SP100: variants seen among roughly 807,000 people sequenced by gnomAD.
SP100 encodes nuclear autoantigen Sp-100.
Under a neutral mutation model 130.0 loss-of-function variants are expected in SP100, and 84 were observed. The observed-to-expected ratio is 0.65, with a 90% CI of 0.54 to 0.77. The LOEUF (loss-of-function observed/expected upper bound fraction) is 0.77, where lower values mean the gene tolerates loss of function less well. Ranked by LOEUF, SP100 falls within the 30% of genes least tolerant of loss-of-function variation. SP100 has a pLI of 0.00. For missense variants in SP100, 978 were observed against 1,052.2 expected (o/e 0.93, Z 0.97); for synonymous variants, 331 against 351.7 (o/e 0.94, Z 0.66).
At chr2:230,520,341 C>G (rs1187318727) in intron 24 of SP100, among the ~76,000 whole-genome samples, 1 of 152,208 alleles carries the variant, frequency 6.6e-6, no homozygotes, top group South Asian at 2.1e-4. Flanking sequence ...CTCATGCACT[C>G]AAAAATGAGA....
At position 230,436,964 on chromosome 2, in the gene SP100, A is replaced by ACACAAGTGTATACACACACG. The variant is rs1559486716; in HGVS notation, c.108-5973_108-5972insCACAAGTGTATACACACACG. On this transcript the variant is annotated intron_variant, in intron 2 of 28. Transcript: ENST00000340126. ...CACGCATATATGTGTATACACACAC[A>ACACAAGTGTATACACACACG]TATATATGTGTATACACACACATAT... Among the ~76,000 whole-genome samples the ACACAAGTGTATACACACACG allele has an allele frequency of 3.1e-5, 3 of 98,050 alleles. No individual in the cohort carries two copies. The South Asian group carries it at 8.4e-4, about 27-fold the overall frequency. 64.3% of individuals were successfully genotyped at this position (98,050 alleles called of 152,430 possible).
chr2:230,478,927 TCTC>T (rs1204799451), intron 17 of SP100, among the ~76,000 whole-genome samples: 1 of 152,128 alleles, frequency 6.6e-6, no homozygotes, highest in Non-Finnish European at 1.5e-5. Flanking sequence ...TTCAAGCAAT[TCTC>T]CTGTCTCAGC....
chr2:230,507,521 A>G (rs1690208086), intron 22 of SP100: 3 of 152,722 alleles, frequency 2.0e-5, no homozygotes, highest in African/African-American at 7.2e-5. Flanking sequence ...TTTCATAATT[A>G]CAGGCCTGGA....
In SP100 at chr2:230,449,573, C is replaced by T; in HGVS notation, c.599C>T (p.Pro200Leu). 1 of 1,614,032 alleles carries T rather than the reference C, an allele frequency of 6.2e-7. No individual in the cohort carries two copies. Among genetic ancestry groups the T allele is most frequent in the Non-Finnish European group, 8.5e-7 (1 of 1,179,992 alleles). ...AACCATGGTTTAGGTACAACCCCAC[C>T]TGAAAATGGACTCTCAGAGCACCCC... ...GSPSHAGTTP[P>L]ENGLSEHPCE... Residue 200 changes from proline (P) to leucine (L), a missense_variant, in exon 7 of 29, where the codon CCT becomes CTT. Pro to Leu is a moderately conservative substitution (Grantham distance 98, BLOSUM62 -3). Transcript: ENST00000340126.
intron 2 of SP100, among the ~76,000 whole-genome samples, chr2:230,436,984 A>ACG (rs1559486798): frequency 8.1e-5 from 12 of 148,964 alleles, no homozygotes; most frequent in African/African-American, 3.0e-4. Flanking sequence ...GTATACACAC[A>ACG]CATATATATG....
Position 230,472,427 on chromosome 2 carries a change from CAAAAAAAA to C in SP100, c.1430-879_1430-872del, listed in dbSNP as rs201703163. Among the ~76,000 whole-genome samples the C allele has an allele frequency of 3.3e-3, 204 of 61,298 alleles. 1 individual carries two copies. Among genetic ancestry groups the C allele is most frequent in the Middle Eastern group, 0.011 (1 of 90 alleles). 40.2% of individuals were successfully genotyped at this position (61,298 alleles called of 152,430 possible). A position where few individuals can be genotyped will look rare whatever the true frequency, so the allele number is the denominator to read the frequency against. On this transcript the variant is annotated intron_variant, in intron 15 of 28. Coordinates refer to ENST00000340126, the MANE Select transcript of SP100 (RefSeq NM_001080391.2). ...TGGGCGATCGAGCAAGACTCCGTCT[CAAAAAAAA>C]AAAAAAAAAAAAAAAAAGTCAAGAC...
chr2:230,462,353 T>G (rs981584354), intron 9 of SP100, 82 bp from the exon 10 acceptor site: 27 of 1,055,096 alleles, frequency 2.6e-5, no homozygotes, highest in Non-Finnish European at 4.0e-5. Context: ...GTCTTCCTAG[T>G]GCTCTCATTG....
chr2:230,500,546 G>A (rs1441725028), intron 19 of SP100, among the ~76,000 whole-genome samples: 4 of 152,186 alleles, frequency 2.6e-5, no homozygotes, highest in Admixed American at 2.6e-4. Context: ...TAATGGCTAG[G>A]GCTGAACATA....
At chr2:230,498,997 T>C (rs1033465349) in intron 19 of SP100, among the ~76,000 whole-genome samples, 2 of 152,138 alleles carry the variant, frequency 1.3e-5, no homozygotes, top group African/African-American at 4.8e-5. Flanking sequence ...CCAAGGCCCA[T>C]ACCAGCTTCC....
chr2:230,466,197 A>AAAAAAC lies in SP100; in HGVS notation c.1142-99_1142-98insCAAAAA. On this transcript the variant is annotated intron_variant, in intron 11 of 28. Transcript: ENST00000340126. ...AAGACTCCATCTCAAAAAAAAAAAA[A>AAAAAAC]AAAAAACTTTGTTATTAACCCAAGC... 6.8e-6 allele frequency: 4 copies of AAAAAAC among 586,070 alleles called. No homozygotes were observed. The South Asian group carries it at 9.1e-5, about 13-fold the overall frequency. The allele number at this position is 586,070 out of a possible 1,614,324, so 36.3% of individuals were successfully genotyped here.
chr2:230,500,739 A>G (rs1345480000), intron 19 of SP100, among the ~76,000 whole-genome samples: 3 of 152,130 alleles, frequency 2.0e-5, no homozygotes, highest in Non-Finnish European at 4.4e-5. Flanking sequence ...ATCATGAGTG[A>G]CAGGAGGGAG....
At chr2:230,466,403 A>C (rs369072789) in intron 12 of SP100, 49 bp downstream of exon 12, 2 of 917,972 alleles carry the variant, frequency 2.2e-6, no homozygotes, top group Non-Finnish European at 3.6e-6. Flanking sequence ...ACTTCTCTTC[A>C]TGGTTATAAA....
In SP100 at chr2:230,428,439, C is replaced by T. The variant is rs564944522; in HGVS notation, c.107+10774C>T. ...GAGAAAGAGACTGAAGGGAGAAGTGCTACACACTTTTTTTTTTTTTTGAGA... is the reference window on the plus strand; with the variant it reads ...GAGAAAGAGACTGAAGGGAGAAGTGTTACACACTTTTTTTTTTTTTTGAGA... On this transcript the variant is annotated intron_variant, in intron 2 of 28. Transcript: ENST00000340126. 2.0e-3 allele frequency among the ~76,000 whole-genome samples: 302 copies of T among 150,380 alleles called. 1 individual carries two copies. Among genetic ancestry groups the T allele is most frequent in the African/African-American group, 7.2e-3 (291 of 40,618 alleles).
At position 230,543,606 on chromosome 2, in the gene SP100, G is replaced by T. The variant is rs1211472608; in HGVS notation, c.*660G>T. ...CCTAGGAATACAGCTAATCAGGGAG[G>T]TGAGAGAGTTCTACAATGAGAATTA... On this transcript the variant is annotated 3_prime_UTR_variant, in exon 29 of 29. Transcript: ENST00000340126. The T allele has an allele frequency of 1.3e-5, 2 of 152,282 alleles. No individual in the cohort carries two copies. The highest frequency in any genetic ancestry group is 3.9e-4 in the East Asian group (2 of 5,190). The allele number at this position is 152,282 out of a possible 1,614,324, so 9.4% of individuals were successfully genotyped here. A position where few individuals can be genotyped will look rare whatever the true frequency, so the allele number is the denominator to read the frequency against.
intron 17 of SP100, among the ~76,000 whole-genome samples, chr2:230,480,249 A>T (rs139052775): frequency 2.6e-5 from 4 of 152,306 alleles, no homozygotes; most frequent in African/African-American, 9.6e-5. Flanking sequence ...TGCCCGATTA[A>T]TAGTTATTGG....
rs7571166 is a variant in SP100, at chr2:230,513,012, G to A, written c.2094+1846G>A. ...TCTGACAGGAGGTGGAGCTCAGGCA[G>A]CAATGCCAGCAATGGGGAGCTGCTG... On this transcript the variant is annotated intron_variant, in intron 24 of 28. Transcript: ENST00000340126. Among the ~76,000 whole-genome samples the A allele has an allele frequency of 8.2e-3, 1,249 of 152,340 alleles. 17 individuals carry two copies. Among genetic ancestry groups the A allele is most frequent in the African/African-American group, 0.029 (1,185 of 41,574 alleles).
chr2:230,423,736 G>T (rs2062839830), intron 2 of SP100, among the ~76,000 whole-genome samples: 1 of 152,098 alleles, frequency 6.6e-6, no homozygotes, highest in Non-Finnish European at 1.5e-5. Context: ...TTAGCCATTT[G>T]TTATTTTGAT....
chr2:230,515,332 CTGT>C (rs1559530978), intron 24 of SP100: 1 of 1,613,564 alleles, frequency 6.2e-7, no homozygotes, highest in Non-Finnish European at 8.5e-7. Flanking sequence ...GGCCTTTTTC[CTGT>C]TCTGCTCTGA....
rs1184711866 is a variant in SP100, at chr2:230,491,757, A to G, written c.1601-2659A>G. Among the ~76,000 whole-genome samples, 4 of 152,232 alleles carry G rather than the reference A, an allele frequency of 2.6e-5. No individual in the cohort carries two copies. The East Asian group carries it at 7.7e-4, about 29-fold the overall frequency. On this transcript the variant is annotated intron_variant, in intron 17 of 28. Coordinates refer to ENST00000340126, the MANE Select transcript of SP100 (RefSeq NM_001080391.2). The stretch of plus-strand genomic sequence containing the variant: ...CCCCAACACACAAGGATTACAATTC[A>G]ACATGAGATTTGGGTGGGGACACGG...
Sources: gnomAD v4.1 joint callset for allele counts (sites outside exome capture counted in the v4.1 genomes callset) on GRCh38, gnomAD v4.1.1 for gene constraint, MANE v1.5 for transcripts, NCBI Gene and HGNC (gene_info 2026-07-23, HGNC 2026-07-21) for gene names.